Variants in UTRN observed in about 807,000 individuals in gnomAD.
UTRN encodes the protein utrophin.
Under a neutral mutation model 463.9 loss-of-function variants are expected in UTRN, and 283 were observed. The observed-to-expected ratio is 0.61, with a 90% CI of 0.55 to 0.67. UTRN has a LOEUF of 0.67. Ranked by LOEUF, UTRN falls within the 30% of genes least tolerant of loss-of-function variation. The probability of loss-of-function intolerance (pLI) is 0.00; values close to 1 mark genes in which losing one functional copy is unlikely to be tolerated. For synonymous variants in UTRN, 1,442 were observed against 1,431.5 expected, an observed-to-expected ratio of 1.01 and a Z score of -0.17; for missense variants, 3,922 against 4,084.3, an observed-to-expected ratio of 0.96 and a Z score of 1.08.
chr6:144,672,213 A>G (rs568471700), intron 51 of UTRN, among the ~76,000 whole-genome samples: 1 of 151,950 alleles, frequency 6.6e-6, no homozygotes, highest in African/African-American at 2.4e-5. Flanking sequence ...TGTCTTGTGG[A>G]ATAGTGTCAA....
rs742294 is a variant in UTRN at position 144,334,792 on chromosome 6, A to G, written c.79+42885A>G. Among the ~76,000 whole-genome samples the G allele has an allele frequency of 5.8e-4, 88 of 152,340 alleles. 1 individual carries two copies. Among genetic ancestry groups the G allele is most frequent in the African/African-American group, 1.9e-3 (79 of 41,572 alleles). On this transcript the variant is annotated intron_variant, in intron 2 of 74. Coordinates refer to ENST00000367545, the MANE Select transcript of UTRN (RefSeq NM_007124.3). ...ATGCTATGGCTGAAGGAACGGCTCA[A>G]TAGCTGGGAGCTGGCCCTGAGGTTT...
chr6:144,529,964 T>C (rs1186408492), intron 41 of UTRN, among the ~76,000 whole-genome samples: 1 of 152,212 alleles, frequency 6.6e-6, no homozygotes, highest in East Asian at 1.9e-4. Flanking sequence ...CACTGGGTTT[T>C]ACTTTGCCAT....
chr6:144,360,910 C>G (rs1779027737), intron 2 of UTRN, among the ~76,000 whole-genome samples: 1 of 152,148 alleles, frequency 6.6e-6, no homozygotes, highest in Non-Finnish European at 1.5e-5. Flanking sequence ...ATATTTGAAT[C>G]CTTGTCTCAG....
intron 73 of UTRN, among the ~76,000 whole-genome samples, chr6:144,845,565 A>G (rs1476568852): frequency 6.6e-6 from 1 of 152,208 alleles, no homozygotes; most frequent in Non-Finnish European, 1.5e-5. Flanking sequence ...AAAAGGCTGT[A>G]AGGTTAAAAG....
Position 144,330,702 on chromosome 6 carries a change from G to C in UTRN, c.79+38795G>C, listed in dbSNP as rs556122289. Reference sequence around the variant, plus strand: ...ACGTCTTCAGATTTTAAGGCGACAGGCTCCACACCTGGCAGAGGCTCAGAC... The same window carrying C: ...ACGTCTTCAGATTTTAAGGCGACAGCCTCCACACCTGGCAGAGGCTCAGAC... On this transcript the variant is annotated intron_variant, in intron 2 of 74. Coordinates refer to ENST00000367545, the MANE Select transcript of UTRN (RefSeq NM_007124.3). 4.0e-5 allele frequency: 19 copies of C among 477,954 alleles called. No individual in the cohort carries two copies. In the South Asian group the frequency reaches 1.2e-3, roughly 29 times the overall value. 29.6% of individuals were successfully genotyped at this position (477,954 alleles called of 1,614,324 possible). A position where few individuals can be genotyped will look rare whatever the true frequency, so the allele number is the denominator to read the frequency against.
chr6:144,428,754 G>T (rs765030183), intron 7 of UTRN, 24 bp from the exon 8 acceptor site: 1 of 1,355,804 alleles, frequency 7.4e-7, no homozygotes, highest in Non-Finnish European at 1.0e-6. Flanking sequence ...CATCTTCATT[G>T]CATTTTATTT....
At chr6:144,745,095 G>C (rs527672308) in intron 54 of UTRN, among the ~76,000 whole-genome samples, 1 of 152,296 alleles carries the variant, frequency 6.6e-6, no homozygotes, top group South Asian at 2.1e-4. Context: ...GTCCCTCACT[G>C]TGAGGGTCGT....
At chr6:144,798,140 A>G (rs1312750079) in intron 64 of UTRN, 150 bp downstream of exon 64, 1 of 1,052,018 alleles carries the variant, frequency 9.5e-7, no homozygotes, top group Non-Finnish European at 1.3e-6. Flanking sequence ...ATCTAAAAGT[A>G]GCATTTCTTT....
chr6:144,606,485 G>T (rs1804860356), intron 51 of UTRN, among the ~76,000 whole-genome samples: 2 of 152,160 alleles, frequency 1.3e-5, no homozygotes, highest in South Asian at 4.1e-4. Context: ...ATTTTCATTA[G>T]TTTTGCATTT....
chr6:144,407,287 A>C (rs73597078), intron 3 of UTRN, among the ~76,000 whole-genome samples: 5,385 of 152,276 alleles, frequency 0.035, 295 homozygotes, highest in African/African-American at 0.11. Context: ...ACAATGACAT[A>C]GACATACATT....
Position 144,851,079 on chromosome 6 carries a change from CAG to C in UTRN, c.*84_*85del. Reference sequence around the variant, plus strand: ...ATGCCAATTCCAAGTTCCATTAAATCAGAAGCTCCATGGCTCCTTGGCCCACG... The same window carrying C: ...ATGCCAATTCCAAGTTCCATTAAATCAAGCTCCATGGCTCCTTGGCCCACG... On this transcript the variant is annotated 3_prime_UTR_variant, in exon 75 of 75. Coordinates refer to ENST00000367545, the MANE Select transcript of UTRN (RefSeq NM_007124.3). 1 of 1,587,826 alleles carries C rather than the reference CAG, an allele frequency of 6.3e-7. No homozygotes were observed. The highest frequency in any genetic ancestry group is 8.6e-7 in the Non-Finnish European group (1 of 1,156,378).
chr6:144,450,446 C>G (rs529984100), intron 17 of UTRN, among the ~76,000 whole-genome samples: 3 of 152,198 alleles, frequency 2.0e-5, no homozygotes, highest in Non-Finnish European at 4.4e-5. Context: ...AGGGAAACTC[C>G]TCAGTGTAAT....
chr6:144,486,239 C>T (rs941929567), intron 28 of UTRN, among the ~76,000 whole-genome samples: 1 of 152,216 alleles, frequency 6.6e-6, no homozygotes. Context: ...GTGGCACTTA[C>T]ATTCCAGGAG....
rs558374124 is a variant in UTRN at position 144,687,509 on chromosome 6, C to A, written c.7652+8931C>A. On this transcript the variant is annotated intron_variant, in intron 52 of 74. Coordinates refer to ENST00000367545, the MANE Select transcript of UTRN (RefSeq NM_007124.3). The stretch of plus-strand genomic sequence containing the variant: ...TAATCAAACAAGAAGATATTATAAT[C>A]CTAAATATATATGCATATGACAAAT... 1.6e-4 allele frequency among the ~76,000 whole-genome samples: 24 copies of A among 152,108 alleles called. No individual in the cohort carries two copies. The South Asian group carries it at 5.0e-3, about 32-fold the overall frequency.
chr6:144,378,932 T>C (rs1169780667), intron 2 of UTRN, among the ~76,000 whole-genome samples: 1 of 151,950 alleles, frequency 6.6e-6, no homozygotes, highest in Admixed American at 6.6e-5. Context: ...GATAGAAGGG[T>C]TAGATTGTGG....
chr6:144,582,898 T>C lies in UTRN; in HGVS notation c.7479+5610T>C, dbSNP rs186083164. ...GCACTTAATGTATGGGCTGTTGTCA[T>C]CAGAGTCAGGTGTACCCTTCTGCTC... On this transcript the variant is annotated intron_variant, in intron 51 of 74. Transcript: ENST00000367545. 4.1e-3 allele frequency among the ~76,000 whole-genome samples: 618 copies of C among 152,318 alleles called. 2 individuals are homozygous for C. The highest frequency in any genetic ancestry group is 0.014 in the African/African-American group (598 of 41,566).
chr6:144,338,720 G>A (rs1174534236), intron 2 of UTRN, among the ~76,000 whole-genome samples: 1 of 152,186 alleles, frequency 6.6e-6, no homozygotes. Flanking sequence ...AGACCAGGTA[G>A]AAGATGTGGT....
intron 66 of UTRN, among the ~76,000 whole-genome samples, chr6:144,827,141 G>A (rs2066055): frequency 0.04 from 6,094 of 152,016 alleles, 393 homozygotes; most frequent in African/African-American, 0.14. Context: ...CTGTGAAAAG[G>A]CCCCTGCAGA....
intron 22 of UTRN, among the ~76,000 whole-genome samples, chr6:144,461,560 T>G (rs1317642739): frequency 6.6e-6 from 1 of 151,674 alleles, no homozygotes; most frequent in Non-Finnish European, 1.5e-5. Context: ...ATTTTCTCCT[T>G]CTGCTGTGAT....
Sources: allele counts gnomAD v4.1 joint callset (sites outside exome capture counted in the v4.1 genomes callset), GRCh38; gene constraint gnomAD v4.1.1; transcripts MANE v1.5; gene names NCBI Gene and HGNC (gene_info 2026-07-23, HGNC 2026-07-21).